Variants in PTPRT observed in about 807,000 individuals in gnomAD.
PTPRT encodes protein tyrosine phosphatase receptor type T.
Under a neutral mutation model 176.8 loss-of-function variants are expected in PTPRT, and 56 were observed. That is an observed-to-expected ratio of 0.32 (90% CI 0.26 to 0.40). The LOEUF is 0.40. PTPRT is among the 10% of genes least tolerant of loss of function. PTPRT has a pLI of 1.00. For synonymous variants in PTPRT, 783 were observed against 739.0 expected (o/e 1.06, Z -0.96); for missense variants, 1,540 against 1,908.2 (o/e 0.81, Z 3.60).
Position 42,758,613 on chromosome 20 carries a change from T to TA in PTPRT, c.685-1978dup, listed in dbSNP as rs202020674. ...CACGTATTTGCTTTATACTTGAACATAAAAAAAAATGGTATTGTTCAAAAG... is the reference window on the plus strand; with the variant it reads ...CACGTATTTGCTTTATACTTGAACATAAAAAAAAAATGGTATTGTTCAAAAG... On this transcript the variant is annotated intron_variant, in intron 5 of 30. Coordinates refer to ENST00000373187, the MANE Select transcript of PTPRT (RefSeq NM_007050.6). Among the ~76,000 whole-genome samples, 652 of 150,984 alleles carry TA rather than the reference T, an allele frequency of 4.3e-3. 5 individuals carry two copies. Among genetic ancestry groups the TA allele is most frequent in the African/African-American group, 0.014 (575 of 41,138 alleles).
intron 9 of PTPRT, among the ~76,000 whole-genome samples, chr20:42,390,877 G>A (rs985714482): frequency 2.0e-5 from 3 of 152,134 alleles, no homozygotes; most frequent in Non-Finnish European, 2.9e-5. Flanking sequence ...CTTGAGTACC[G>A]ACCGAGAGGC....
chr20:42,767,270 G>A (rs1165007795), intron 5 of PTPRT, among the ~76,000 whole-genome samples: 3 of 152,156 alleles, frequency 2.0e-5, no homozygotes, highest in Non-Finnish European at 4.4e-5. Context: ...ATGAGCATTT[G>A]AATCAGTGGA....
chr20:43,159,725 T>C (rs1224498727), intron 1 of PTPRT, among the ~76,000 whole-genome samples: 3 of 152,190 alleles, frequency 2.0e-5, no homozygotes, highest in African/African-American at 4.8e-5. Context: ...ATGTCCATAA[T>C]GATCTTGCTA....
At chr20:43,122,356 T>A (rs1298381614) in intron 1 of PTPRT, among the ~76,000 whole-genome samples, 4 of 152,232 alleles carry the variant, frequency 2.6e-5, no homozygotes, top group Non-Finnish European at 5.9e-5. Context: ...GCCATGCCGC[T>A]GTGACAGCTG....
intron 7 of PTPRT, among the ~76,000 whole-genome samples, chr20:42,634,586 A>C (rs2074552557): frequency 6.6e-6 from 1 of 152,062 alleles, no homozygotes; most frequent in Non-Finnish European, 1.5e-5. Flanking sequence ...CAGGCATGCT[A>C]ATTTCATTTT....
chr20:43,071,561 G>A (rs1019153942), intron 1 of PTPRT, among the ~76,000 whole-genome samples: 1 of 152,184 alleles, frequency 6.6e-6, no homozygotes, highest in Non-Finnish European at 1.5e-5. Context: ...CGATGCAGGT[G>A]GATGACATGA....
At chr20:43,099,661 G>A (rs953504464) in intron 1 of PTPRT, among the ~76,000 whole-genome samples, 1 of 152,020 alleles carries the variant, frequency 6.6e-6, no homozygotes, top group Non-Finnish European at 1.5e-5. Context: ...AGCACCTCCG[G>A]GTCTCTGCTT....
Position 42,308,146 on chromosome 20 carries a change from T to C in PTPRT, c.2139+7577A>G, listed in dbSNP as rs181510445. On this transcript the variant is annotated intron_variant, in intron 12 of 30. Coordinates refer to ENST00000373187, the MANE Select transcript of PTPRT (RefSeq NM_007050.6). Reference sequence around the variant, plus strand: ...ATAATCCACCCCTTTTTTTTTAGCATATCATTAAGAAATAACCACAAAAAT... The same window carrying C: ...ATAATCCACCCCTTTTTTTTTAGCACATCATTAAGAAATAACCACAAAAAT... 2.6e-5 allele frequency among the ~76,000 whole-genome samples: 4 copies of C among 152,112 alleles called. No individual in the cohort carries two copies. The East Asian group carries it at 5.8e-4, about 22-fold the overall frequency.
intron 15 of PTPRT, among the ~76,000 whole-genome samples, chr20:42,220,191 G>T (rs771518742): frequency 6.6e-6 from 1 of 151,938 alleles, no homozygotes; most frequent in Non-Finnish European, 1.5e-5. Context: ...ATACACATGG[G>T]ACCTACATGA....
chr20:42,725,178 C>A (rs1436370486), intron 6 of PTPRT, among the ~76,000 whole-genome samples: 1 of 151,766 alleles, frequency 6.6e-6, no homozygotes, highest in Non-Finnish European at 1.5e-5. Flanking sequence ...CAGGCACACA[C>A]CACCACGCCC....
chr20:42,322,769 T>C (rs2057819600), intron 11 of PTPRT, among the ~76,000 whole-genome samples: 2 of 151,866 alleles, frequency 1.3e-5, no homozygotes, highest in African/African-American at 4.8e-5. Flanking sequence ...GGGATCTAAT[T>C]AAACTAAAGA....
chr20:42,454,925 G>C (rs375216150), intron 8 of PTPRT, among the ~76,000 whole-genome samples: 1 of 152,164 alleles, frequency 6.6e-6, no homozygotes, highest in Non-Finnish European at 1.5e-5. Flanking sequence ...GAAGCAAGAA[G>C]TGCCAGAGAG....
At chr20:42,206,868 A>G (rs2055482834) in intron 15 of PTPRT, among the ~76,000 whole-genome samples, 1 of 152,236 alleles carries the variant, frequency 6.6e-6, no homozygotes, top group African/African-American at 2.4e-5. Context: ...GACAGCAGTA[A>G]CCTCTGCAGA....
intron 7 of PTPRT, among the ~76,000 whole-genome samples, chr20:42,637,846 C>A (rs553182058): frequency 6.6e-6 from 1 of 152,150 alleles, no homozygotes; most frequent in African/African-American, 2.4e-5. Context: ...TATTAGCCAG[C>A]CTCCAAACTG....
At chr20:42,575,301 C>T (rs537689582) in intron 7 of PTPRT, among the ~76,000 whole-genome samples, 1 of 152,174 alleles carries the variant, frequency 6.6e-6, no homozygotes, top group Non-Finnish European at 1.5e-5. Context: ...GTTAGCAGAG[C>T]TACAGCTGGA....
intron 1 of PTPRT, among the ~76,000 whole-genome samples, chr20:43,113,498 C>T (rs1028791445): frequency 2.0e-5 from 3 of 152,192 alleles, no homozygotes; most frequent in Admixed American, 2.0e-4. Flanking sequence ...TCTACCATCT[C>T]TGTGTGACAG....
intron 1 of PTPRT, among the ~76,000 whole-genome samples, chr20:42,930,995 A>C (rs1164709819): frequency 6.6e-6 from 1 of 152,010 alleles, no homozygotes; most frequent in African/African-American, 2.4e-5. Context: ...TAGACCAATC[A>C]ACCTTCCTCC....
At chr20:42,547,721 G>C (rs2072700347) in intron 7 of PTPRT, among the ~76,000 whole-genome samples, 1 of 151,922 alleles carries the variant, frequency 6.6e-6, no homozygotes, top group South Asian at 2.1e-4. Context: ...CTATATCCCA[G>C]GTTCTGCTTA....
At chr20:42,567,243 C>T (rs1424218200) in intron 7 of PTPRT, among the ~76,000 whole-genome samples, 1 of 151,282 alleles carries the variant, frequency 6.6e-6, no homozygotes, top group Non-Finnish European at 1.5e-5. Context: ...AATGTACTTC[C>T]AGCCTGGGCA....
Sources: gnomAD v4.1 joint callset for allele counts (sites outside exome capture counted in the v4.1 genomes callset) on GRCh38, gnomAD v4.1.1 for gene constraint, MANE v1.5 for transcripts, NCBI Gene and HGNC (gene_info 2026-07-23, HGNC 2026-07-21) for gene names.